The following COA1 variants were observed in gnomAD, a reference collection of about 807,000 sequenced individuals.
The protein encoded by COA1 is cytochrome c oxidase assembly factor 1.
Under a neutral mutation model 16.0 loss-of-function variants are expected in COA1, and 13 were observed. The ratio of observed to expected loss-of-function variants is 0.81; its 90% CI spans 0.53 to 1.29. The LOEUF (loss-of-function observed/expected upper bound fraction) is 1.29, where lower values mean the gene tolerates loss of function less well. COA1 is among the 50% of genes most tolerant of loss of function. The probability of loss-of-function intolerance (pLI) is 0.00; values close to 1 mark genes in which losing one functional copy is unlikely to be tolerated. For synonymous variants in COA1, 65 were observed against 65.7 expected (o/e 0.99, Z 0.05); for missense variants, 179 against 177.0 (o/e 1.01, Z -0.06).
chr7:43,610,842 C>T (rs183054488), intron 6 of COA1, among the ~76,000 whole-genome samples: 10 of 148,308 alleles, frequency 6.7e-5, no homozygotes, highest in Admixed American at 2.0e-4. Flanking sequence ...ACAGGCTGGG[C>T]GCAGTGGCTC....
chr7:43,677,197 A>G (rs1385418634), intron 1 of COA1, among the ~76,000 whole-genome samples: 1 of 152,092 alleles, frequency 6.6e-6, no homozygotes, highest in Non-Finnish European at 1.5e-5. Context: ...AAAATACTCA[A>G]TTCTTTCTAA....
rs1308750092 is a variant in COA1 at position 43,694,982 on chromosome 7, T to C, written c.-39+34447A>G. ...TCTATCTGCCAGGCCAAAAACTTTG[T>C]ACTTTTTCTCTCACACTTCCCAGCT... On this transcript the variant is annotated intron_variant, in intron 1 of 5. Transcript: ENST00000223336. Among the ~76,000 whole-genome samples the C allele has an allele frequency of 2.7e-5, 4 of 150,568 alleles. No individual in the cohort carries two copies. In the East Asian group the frequency reaches 8.1e-4, roughly 30 times the overall value.
At chr7:43,657,733 T>C (rs1217720681) in intron 1 of COA1, among the ~76,000 whole-genome samples, 1 of 151,998 alleles carries the variant, frequency 6.6e-6, no homozygotes, top group Non-Finnish European at 1.5e-5. Flanking sequence ...AGCCACAGAC[T>C]GGGAGAAAAT....
At chr7:43,625,752 G>A (rs1292938594) in intron 6 of COA1, 1 of 73,448 alleles carries the variant, frequency 1.4e-5, no homozygotes, top group Non-Finnish European at 2.7e-5. Context: ...ATCCCCTAGA[G>A]CAGAGAGAGA....
At position 43,691,283 on chromosome 7, in the gene COA1, AAGAAAGAAAGAAAGAAAGAAAG is replaced by A. The variant is rs1563381665; in HGVS notation, c.-39+38124_-39+38145del. On this transcript the variant is annotated intron_variant, in intron 1 of 5. Transcript: ENST00000223336. The stretch of plus-strand genomic sequence containing the variant: ...AAGAAAGAAAAGAAAGAAAGAAAGA[AAGAAAGAAAGAAAGAAAGAAAG>A]AAAGAAAGAAAGAAAGAAAGAAAGA... Among the ~76,000 whole-genome samples, 19 of 53,316 alleles carry A rather than the reference AAGAAAGAAAGAAAGAAAGAAAG, an allele frequency of 3.6e-4. 1 individual carries two copies. The highest frequency in any genetic ancestry group is 8.8e-4 in the African/African-American group (16 of 18,164). The allele number at this position is 53,316 out of a possible 152,430, so 35.0% of individuals were successfully genotyped here.
At chr7:43,706,873 A>G (rs2095002009) in intron 1 of COA1, among the ~76,000 whole-genome samples, 1 of 150,906 alleles carries the variant, frequency 6.6e-6, no homozygotes, top group Non-Finnish European at 1.5e-5. Flanking sequence ...TTGTCTCAAA[A>G]AAAAGAAAAA....
At chr7:43,694,809 A>G (rs2094479636) in intron 1 of COA1, among the ~76,000 whole-genome samples, 1 of 152,166 alleles carries the variant, frequency 6.6e-6, no homozygotes, top group African/African-American at 2.4e-5. Flanking sequence ...TTCCAGGCTC[A>G]TGTTATCACC....
At position 43,639,336 on chromosome 7, in the gene COA1, A is replaced by G. The variant is rs2086495885; in HGVS notation, c.*246T>C. On this transcript the variant is annotated 3_prime_UTR_variant, in exon 6 of 6. Transcript: ENST00000223336. ...TACAAAGCACTTTCAAATACATTAC[A>G]TTATCTTAAATTTATAATAGGAGTT... 1 of 328,938 alleles carries G rather than the reference A, an allele frequency of 3.0e-6. No individual in the cohort carries two copies. Among genetic ancestry groups the G allele is most frequent in the African/African-American group, 2.1e-5 (1 of 47,206 alleles). 20.4% of individuals were successfully genotyped at this position (328,938 alleles called of 1,614,324 possible).
intron 1 of COA1, among the ~76,000 whole-genome samples, chr7:43,682,016 G>A (rs2093789650): frequency 6.6e-6 from 1 of 152,198 alleles, no homozygotes; most frequent in South Asian, 2.1e-4. Context: ...GAACGTGCGG[G>A]TTTGGAAGAG....
intron 6 of COA1, chr7:43,626,256 A>C (rs1056727705): frequency 6.6e-6 from 1 of 152,250 alleles, no homozygotes; most frequent in South Asian, 2.1e-4. Context: ...CAAAATCATG[A>C]AAATGACAGC....
downstream of COA1, among the ~76,000 whole-genome samples, chr7:43,636,409 A>G (rs937694973): frequency 6.6e-6 from 1 of 152,226 alleles, no homozygotes; most frequent in African/African-American, 2.4e-5. Flanking sequence ...AGCAGTATAA[A>G]CATTGTCTCA....
chr7:43,727,841 A>C (rs1269012608), intron 1 of COA1, among the ~76,000 whole-genome samples: 1 of 152,264 alleles, frequency 6.6e-6, no homozygotes, highest in East Asian at 1.9e-4. Context: ...GAATACAAGA[A>C]TAACTTATTG....
intron 1 of COA1, among the ~76,000 whole-genome samples, chr7:43,662,867 G>A (rs1466731238): frequency 6.6e-6 from 1 of 152,180 alleles, no homozygotes; most frequent in African/African-American, 2.4e-5. Flanking sequence ...AGAGACCCAA[G>A]GTCTCAAAAC....
intron 3 of COA1, chr7:43,646,290 A>C: frequency 6.9e-6 from 2 of 288,516 alleles, no homozygotes; most frequent in Non-Finnish European, 7.1e-6. Flanking sequence ...AAGGGACAGA[A>C]GCAGGGTCCA....
intron 1 of COA1, among the ~76,000 whole-genome samples, chr7:43,667,113 C>G (rs1382039620): frequency 6.6e-6 from 1 of 152,170 alleles, no homozygotes; most frequent in East Asian, 1.9e-4. Flanking sequence ...TGGCTTTGAA[C>G]AGGATTTCCA....
chr7:43,728,540 T>C (rs2095667235), intron 1 of COA1, among the ~76,000 whole-genome samples: 1 of 152,210 alleles, frequency 6.6e-6, no homozygotes, highest in Non-Finnish European at 1.5e-5. Context: ...TGAGTGTACC[T>C]GCAGGTGTGT....
At chr7:43,709,881 A>G (rs2095155662) in intron 1 of COA1, among the ~76,000 whole-genome samples, 1 of 152,206 alleles carries the variant, frequency 6.6e-6, no homozygotes, top group African/African-American at 2.4e-5. Flanking sequence ...AACTTGCCTG[A>G]GGGCCTAAGA....
At chr7:43,672,273 TA>T (rs1444714567) in intron 1 of COA1, among the ~76,000 whole-genome samples, 2 of 152,158 alleles carry the variant, frequency 1.3e-5, no homozygotes, top group African/African-American at 4.8e-5. Flanking sequence ...AAATCCTCAA[TA>T]AAATACTAGC....
At chr7:43,644,748 A>AGATAGATT (rs1554501245) in intron 4 of COA1, among the ~76,000 whole-genome samples, 6 of 90,346 alleles carry the variant, frequency 6.6e-5, no homozygotes, top group African/African-American at 2.3e-4. Flanking sequence ...ATAGATAGAT[A>AGATAGATT]GATAGATAGA....
Sources: allele counts gnomAD v4.1 joint callset (sites outside exome capture counted in the v4.1 genomes callset), GRCh38; gene constraint gnomAD v4.1.1; transcripts MANE v1.5; gene names NCBI Gene and HGNC (gene_info 2026-07-23, HGNC 2026-07-21).